SEMA6D: variants seen among roughly 807,000 people sequenced by gnomAD.
SEMA6D encodes semaphorin 6D, also known as semaphorin-6D.
Under a neutral mutation model 106.6 loss-of-function variants are expected in SEMA6D, and 35 were observed. The observed-to-expected ratio is 0.33, with a 90% CI of 0.25 to 0.44. SEMA6D has a LOEUF of 0.44. SEMA6D is among the 20% of genes least tolerant of loss of function. The pLI is 1.00. For missense variants in SEMA6D, 1,185 were observed against 1,345.9 expected, an observed-to-expected ratio of 0.88 and a Z score of 1.87; for synonymous variants, 499 against 487.7, an observed-to-expected ratio of 1.02 and a Z score of -0.31.
chr15:47,314,207 A>C (rs563877244), intron 1 of SEMA6D, among the ~76,000 whole-genome samples: 5 of 152,196 alleles, frequency 3.3e-5, no homozygotes, highest in Non-Finnish European at 7.4e-5. Context: ...TTCTTTTCAT[A>C]TGATTATTTG....
intron 1 of SEMA6D, among the ~76,000 whole-genome samples, chr15:47,287,086 C>T (rs971403657): frequency 1.2e-4 from 18 of 152,168 alleles, no homozygotes; most frequent in Admixed American, 5.2e-4. Context: ...TCTAGGGAAA[C>T]GTGTAATTTT....
intron 1 of SEMA6D, among the ~76,000 whole-genome samples, chr15:47,352,848 A>G (rs535596844): frequency 2.0e-5 from 3 of 152,348 alleles, no homozygotes; most frequent in Admixed American, 6.5e-5. Context: ...AAGAGGGTTT[A>G]TCTCCTTGCT....
intron 1 of SEMA6D, among the ~76,000 whole-genome samples, chr15:47,291,435 C>T (rs1372688207): frequency 2.0e-5 from 3 of 152,206 alleles, no homozygotes; most frequent in Non-Finnish European, 2.9e-5. Flanking sequence ...GCACTGGACT[C>T]TCACCTGCAG....
At chr15:47,516,942 G>T (rs562662374) in intron 3 of SEMA6D, among the ~76,000 whole-genome samples, 3 of 152,116 alleles carry the variant, frequency 2.0e-5, no homozygotes, top group Non-Finnish European at 4.4e-5. Flanking sequence ...CCCAATAAGA[G>T]TTAACACTTA....
rs533246310 is a variant in SEMA6D at position 47,375,299 on chromosome 15, G to A, written c.-238-37094G>A. Among the ~76,000 whole-genome samples the A allele has an allele frequency of 3.3e-5, 5 of 152,296 alleles. No homozygotes were observed. The South Asian group carries it at 1.0e-3, about 32-fold the overall frequency. ...TGTTGAACAACTACGATCTTGGGAA[G>A]AAAGTTTTTCAGCTGCCTGTTTGTC... On this transcript the variant is annotated intron_variant, in intron 1 of 19. Transcript: ENST00000558014.
intron 1 of SEMA6D, among the ~76,000 whole-genome samples, chr15:47,299,488 C>T (rs112046684): frequency 6.6e-6 from 1 of 152,196 alleles, no homozygotes; most frequent in Non-Finnish European, 1.5e-5. Flanking sequence ...GAAAGTAAAG[C>T]TGATCTGCTC....
At chr15:47,580,617 GA>G (rs896089192) in intron 3 of SEMA6D, among the ~76,000 whole-genome samples, 4 of 149,724 alleles carry the variant, frequency 2.7e-5, no homozygotes, top group African/African-American at 7.4e-5. Flanking sequence ...GAAGTATGTC[GA>G]AAAAAAAACC....
At chr15:47,577,984 G>A (rs560968955) in intron 3 of SEMA6D, among the ~76,000 whole-genome samples, 13 of 152,204 alleles carry the variant, frequency 8.5e-5, no homozygotes, top group Non-Finnish European at 1.5e-4. Flanking sequence ...AGCTTAATTT[G>A]TGGAGACCTT....
intron 1 of SEMA6D, among the ~76,000 whole-genome samples, chr15:47,335,013 A>G (rs151299755): frequency 0.011 from 1,689 of 152,298 alleles, 13 homozygotes; most frequent in Non-Finnish European, 0.014. Flanking sequence ...TGTCTCTCTG[A>G]GCTCAGGCCT....
chr15:47,289,393 C>CAAAAAAAAAAAAA (rs746946975), intron 1 of SEMA6D, among the ~76,000 whole-genome samples: 1 of 46,558 alleles, frequency 2.1e-5, no homozygotes, highest in African/African-American at 8.1e-5. Flanking sequence ...AACTCCATCT[C>CAAAAAAAAAAAAA]AAAAAAAAAA....
intron 2 of SEMA6D, among the ~76,000 whole-genome samples, chr15:47,432,380 A>G (rs1483894715): frequency 6.6e-6 from 1 of 152,094 alleles, no homozygotes; most frequent in East Asian, 1.9e-4. Context: ...AAATTTTAGA[A>G]GGGGAAACAA....
Position 47,760,973 on chromosome 15 carries a change from A to C in SEMA6D, c.222-5A>C. 1 of 1,611,594 alleles carries C rather than the reference A, an allele frequency of 6.2e-7. No homozygotes were observed. Among genetic ancestry groups the C allele is most frequent in the Non-Finnish European group, 8.5e-7 (1 of 1,178,728 alleles). ...TGATATGTTTTATTGCCTTATTTCC[A>C]ACAGGGATCAAGTTTATACAGTAAA... On this transcript the variant is annotated splice_region_variant and splice_polypyrimidine_tract_variant and intron_variant, in intron 3 of 18. Coordinates refer to ENST00000536845, the MANE Select transcript of SEMA6D (RefSeq NM_001358351.3).
At chr15:47,495,922 T>C (rs1177282634) in intron 3 of SEMA6D, among the ~76,000 whole-genome samples, 1 of 152,064 alleles carries the variant, frequency 6.6e-6, no homozygotes, top group East Asian at 1.9e-4. Context: ...TTCCTAATAC[T>C]CTTAAAAGGT....
intron 1 of SEMA6D, chr15:47,730,205 G>C: frequency 6.5e-7 from 1 of 1,546,162 alleles, no homozygotes; most frequent in Non-Finnish European, 8.8e-7. Flanking sequence ...GCGAGCCACA[G>C]ACTTAGGATC....
At chr15:47,231,524 G>T (rs2141580388) in intron 1 of SEMA6D, among the ~76,000 whole-genome samples, 1 of 152,112 alleles carries the variant, frequency 6.6e-6, no homozygotes, top group Non-Finnish European at 1.5e-5. Context: ...CTCTTTCCAG[G>T]CAGGGATGCT....
At chr15:47,217,518 G>C (rs1258595592) in intron 1 of SEMA6D, among the ~76,000 whole-genome samples, 1 of 151,748 alleles carries the variant, frequency 6.6e-6, no homozygotes, top group East Asian at 2.0e-4. Flanking sequence ...TGCTGATGTA[G>C]AAAGAGTTCT....
chr15:47,455,149 G>A (rs1261510943), intron 2 of SEMA6D, among the ~76,000 whole-genome samples: 1 of 151,686 alleles, frequency 6.6e-6, no homozygotes, highest in Non-Finnish European at 1.5e-5. Context: ...ATAGGAGTCA[G>A]GCATTAGAAG....
intron 1 of SEMA6D, among the ~76,000 whole-genome samples, chr15:47,240,068 C>T (rs117370430): frequency 0.027 from 4,106 of 152,096 alleles, 71 homozygotes; most frequent in Non-Finnish European, 0.042. Context: ...TTGATAAAAG[C>T]CTGTTCTATA....
chr15:47,719,006 A>T (rs1404620004), intron 1 of SEMA6D: 2 of 152,352 alleles, frequency 1.3e-5, no homozygotes, highest in East Asian at 3.9e-4. Context: ...TAATTCTTGG[A>T]TTGAAATGAA....
Sources: allele counts gnomAD v4.1 joint callset (sites outside exome capture counted in the v4.1 genomes callset), GRCh38; gene constraint gnomAD v4.1.1; transcripts MANE v1.5; gene names NCBI Gene and HGNC (gene_info 2026-07-23, HGNC 2026-07-21).